Variants in ITGA6 observed in about 807,000 individuals in gnomAD.
ITGA6 encodes the protein integrin alpha-6.
ITGA6 carries 63 observed loss-of-function variants against 133.6 expected under a neutral mutation model. That is an observed-to-expected ratio of 0.47 (90% CI 0.38 to 0.58). The LOEUF is 0.58. Among genes scored for constraint, ITGA6 ranks in the 20% least tolerant of loss-of-function variants. The pLI, the probability that ITGA6 is intolerant of heterozygous loss-of-function variation, is 0.00. For synonymous variants in ITGA6, 434 were observed against 482.0 expected, an observed-to-expected ratio of 0.90 and a Z score of 1.30; for missense variants, 1,068 against 1,309.4, an observed-to-expected ratio of 0.82 and a Z score of 2.85.
intron 20 of ITGA6, 64 bp downstream of exon 20, chr2:172,489,722 GA>G: frequency 1.4e-6 from 2 of 1,381,044 alleles, no homozygotes; most frequent in Admixed American, 1.8e-5. Context: ...CTTGTTAGGG[GA>G]AAATCATTAC....
intron 1 of ITGA6, among the ~76,000 whole-genome samples, chr2:172,464,994 A>C (rs1292357449): frequency 7.2e-5 from 11 of 152,202 alleles, no homozygotes; most frequent in Admixed American, 7.2e-4. Flanking sequence ...TGAATAATTC[A>C]GTCGAGTTGT....
At chr2:172,486,157 A>AAC (rs764533882) in intron 13 of ITGA6, among the ~76,000 whole-genome samples, 1 of 142,964 alleles carries the variant, frequency 7.0e-6, no homozygotes, top group Non-Finnish European at 1.5e-5. Context: ...CCTGGGCAAA[A>AAC]AGAGTAAGAC....
chr2:172,456,095 G>C (rs1685196027), intron 1 of ITGA6, among the ~76,000 whole-genome samples: 1 of 152,232 alleles, frequency 6.6e-6, no homozygotes, highest in Non-Finnish European at 1.5e-5. Flanking sequence ...GGAAGTGGTA[G>C]AGGGTGTGGA....
Position 172,487,641 on chromosome 2 carries a change from C to T in ITGA6, c.2244+11C>T. On this transcript the variant is annotated intron_variant, in intron 16 of 25. Coordinates refer to ENST00000684293, the MANE Select transcript of ITGA6 (RefSeq NM_000210.4). ...AAAAGAAATTCAAATGTAGGTGATG[C>T]CTTCATATACTGTATTTTACTGTTT... 1 of 1,610,710 alleles carries T rather than the reference C, an allele frequency of 6.2e-7. No homozygotes were observed. Among genetic ancestry groups the T allele is most frequent in the Non-Finnish European group, 8.5e-7 (1 of 1,176,914 alleles).
intron 1 of ITGA6, among the ~76,000 whole-genome samples, chr2:172,432,540 T>G (rs570845002): frequency 1.3e-5 from 2 of 152,366 alleles, no homozygotes; most frequent in East Asian, 3.9e-4. Context: ...ATCCCTTTCT[T>G]TAACCCTTTG....
chr2:172,488,074 T>G, intron 18 of ITGA6, 36 bp downstream of exon 18: 2 of 1,611,422 alleles, frequency 1.2e-6, no homozygotes, highest in Non-Finnish European at 1.7e-6. Flanking sequence ...AATCAATGTT[T>G]GAAAGAACCA....
chr2:172,499,217 T>C (rs1687251924), intron 24 of ITGA6, among the ~76,000 whole-genome samples: 1 of 152,222 alleles, frequency 6.6e-6, no homozygotes, highest in Non-Finnish European at 1.5e-5. Context: ...TGATGTCTTC[T>C]AGACATGGGA....
rs142401092 is a variant in ITGA6, at chr2:172,489,733, C to G, written c.2679+75C>G. ...CTAACTTGTTAGGGGAAAATCATTA[C>G]TGTTCTTAGGAAAGTGGCATATTCT... is the stretch of plus-strand genomic sequence containing the variant. On this transcript the variant is annotated intron_variant, in intron 20 of 25. Transcript: ENST00000684293. 1.7e-4 allele frequency: 229 copies of G among 1,310,774 alleles called. 1 individual carries two copies. The African/African-American group carries it at 3.0e-3, about 17-fold the overall frequency. 81.2% of individuals were successfully genotyped at this position (1,310,774 alleles called of 1,614,324 possible). A position where few individuals can be genotyped will look rare whatever the true frequency, so the allele number is the denominator to read the frequency against.
chr2:172,438,833 C>G (rs1212322222), intron 1 of ITGA6, among the ~76,000 whole-genome samples: 2 of 151,766 alleles, frequency 1.3e-5, no homozygotes, highest in Non-Finnish European at 2.9e-5. Context: ...CTATGGAAGA[C>G]TACAACTGGA....
intron 1 of ITGA6, among the ~76,000 whole-genome samples, chr2:172,457,969 C>T (rs184386936): frequency 6.6e-6 from 1 of 152,116 alleles, no homozygotes; most frequent in Non-Finnish European, 1.5e-5. Flanking sequence ...CATCATGTGC[C>T]CCTCCCCGCC....
At chr2:172,438,347 G>A (rs1338627234) in intron 1 of ITGA6, among the ~76,000 whole-genome samples, 1 of 151,734 alleles carries the variant, frequency 6.6e-6, no homozygotes, top group African/African-American at 2.4e-5. Flanking sequence ...CGGATGAGGG[G>A]CACAGATGCA....
chr2:172,487,390 A>C lies in ITGA6; in HGVS notation c.2097A>C (p.Lys699Asn). Residue 699 changes from lysine (K) to asparagine (N), a missense_variant, in exon 15 of 26, where the codon AAA (lysine) becomes AAC (asparagine). Lys to Asn is a moderately conservative substitution (Grantham distance 94). Transcript: ENST00000684293. Reference protein sequence around the residue: ...TKDGDDAHEAKLIATFPDTLT... With the variant: ...TKDGDDAHEANLIATFPDTLT... ...ATGGCGATGACGCCCATGAGGCTAA[A>C]CTGATTGCAACGTTTCCAGACACTT... is the stretch of plus-strand genomic sequence containing the variant. 1 of 1,614,218 alleles carries C rather than the reference A, an allele frequency of 6.2e-7. No individual in the cohort carries two copies. The highest frequency in any genetic ancestry group is 8.5e-7 in the Non-Finnish European group (1 of 1,180,014).
At chr2:172,474,783 G>A (rs1044908748) in intron 6 of ITGA6, 146 bp from the exon 7 acceptor site, 6 of 690,136 alleles carry the variant, frequency 8.7e-6, no homozygotes, top group Non-Finnish European at 1.6e-5. Context: ...AGGCTACCTT[G>A]GTTTTTAAAA....
intron 11 of ITGA6, among the ~76,000 whole-genome samples, chr2:172,481,938 C>G (rs1686461102): frequency 6.6e-6 from 1 of 152,104 alleles, no homozygotes; most frequent in Non-Finnish European, 1.5e-5. Flanking sequence ...GGGCCCTTTG[C>G]CAGTGTTTGG....
At chr2:172,451,195 G>A (rs778273774) in intron 1 of ITGA6, among the ~76,000 whole-genome samples, 3 of 150,924 alleles carry the variant, frequency 2.0e-5, no homozygotes, top group Non-Finnish European at 3.0e-5. Context: ...GAAGGAGGCC[G>A]GGCACGGTGG....
At chr2:172,498,212 A>G (rs1687208647) in intron 24 of ITGA6, 112 bp downstream of exon 24, 2 of 1,107,610 alleles carry the variant, frequency 1.8e-6, no homozygotes, top group Non-Finnish European at 2.7e-6. Context: ...TTTTTCTAAC[A>G]TTATGAAACT....
At chr2:172,455,137 A>G (rs111770261) in intron 1 of ITGA6, among the ~76,000 whole-genome samples, 71 of 146,520 alleles carry the variant, frequency 4.8e-4, no homozygotes, top group African/African-American at 1.9e-3. Context: ...GGCTATTATA[A>G]TAACTGTGTT....
chr2:172,491,409 C>G lies in ITGA6; in HGVS notation c.2890-16C>G. The G allele has an allele frequency of 6.2e-7, 1 of 1,601,214 alleles. No homozygotes were observed. Among genetic ancestry groups the G allele is most frequent in the Non-Finnish European group, 8.6e-7 (1 of 1,168,196 alleles). On this transcript the variant is annotated splice_polypyrimidine_tract_variant and intron_variant, in intron 22 of 25. Coordinates refer to ENST00000684293, the MANE Select transcript of ITGA6 (RefSeq NM_000210.4). The surrounding 1 kb of genome is among the most constrained non-coding windows in gnomAD (Gnocchi z 4.4). ...ACACTTTTCACTTCCCTAATGCATT[C>G]ACTGTCTCCAAACAGGAATATTCCA...
intron 1 of ITGA6, among the ~76,000 whole-genome samples, chr2:172,435,943 A>G (rs1684304842): frequency 6.6e-6 from 1 of 152,110 alleles, no homozygotes; most frequent in Non-Finnish European, 1.5e-5. Flanking sequence ...GAGTTTTCAA[A>G]AAAGGAAGAG....
Sources: allele counts gnomAD v4.1 joint callset (sites outside exome capture counted in the v4.1 genomes callset), GRCh38; gene constraint gnomAD v4.1.1; non-coding constraint Gnocchi (gnomAD v3.1); transcripts MANE v1.5; gene names NCBI Gene and HGNC (gene_info 2026-07-23, HGNC 2026-07-21).